The following ATP8A2 variants were observed in gnomAD, a reference collection of about 807,000 sequenced individuals.
ATP8A2 encodes phospholipid-transporting ATPase IB.
A neutral mutation model predicts 165.6 loss-of-function variants in ATP8A2; 100 were observed. The observed-to-expected ratio is 0.60, with a 90% confidence interval of 0.51 to 0.71. The LOEUF (loss-of-function observed/expected upper bound fraction) is 0.71, where lower values mean the gene tolerates loss of function less well. Among genes scored for constraint, ATP8A2 ranks in the 30% least tolerant of loss-of-function variants. The probability of loss-of-function intolerance (pLI) is 0.00; values close to 1 mark genes in which losing one functional copy is unlikely to be tolerated. For missense variants in ATP8A2, 1,227 were observed against 1,479.5 expected, an observed-to-expected ratio of 0.83 and a Z score of 2.80; for synonymous variants, 543 against 548.8, an observed-to-expected ratio of 0.99 and a Z score of 0.15.
chr13:25,954,009 C>T (rs1451025541), intron 33 of ATP8A2, among the ~76,000 whole-genome samples: 2 of 151,996 alleles, frequency 1.3e-5, no homozygotes, highest in East Asian at 1.9e-4. Flanking sequence ...AAGACAGAAC[C>T]GTTCACTTCC....
intron 1 of ATP8A2, among the ~76,000 whole-genome samples, chr13:25,455,743 T>C (rs12877380): frequency 0.04 from 6,081 of 152,282 alleles, 164 homozygotes; most frequent in East Asian, 0.093. Context: ...TGCTGCCTCC[T>C]TGGCATCCCA....
rs927232454 is a variant in ATP8A2, at chr13:25,709,708, T to C, written c.2384+10363T>C. Reference sequence around the variant, plus strand: ...TATAGAAGCAGATTAAGTCTTTTTTTAAGGGAAAAAAGTAAATGTTGAATG... The same window carrying C: ...TATAGAAGCAGATTAAGTCTTTTTTCAAGGGAAAAAAGTAAATGTTGAATG... On this transcript the variant is annotated intron_variant, in intron 25 of 36. Coordinates refer to ENST00000381655, the MANE Select transcript of ATP8A2 (RefSeq NM_016529.6). Among the ~76,000 whole-genome samples, 7 of 152,306 alleles carry C rather than the reference T, an allele frequency of 4.6e-5. No individual in the cohort carries two copies. The South Asian group carries it at 1.5e-3, about 32-fold the overall frequency.
intron 25 of ATP8A2, among the ~76,000 whole-genome samples, chr13:25,766,809 T>G (rs773973687): frequency 6.6e-6 from 1 of 152,214 alleles, no homozygotes; most frequent in Non-Finnish European, 1.5e-5. Flanking sequence ...GTGTCCAGTC[T>G]TGTTTTGTTT....
At chr13:25,593,605 T>A (rs929839017) in intron 24 of ATP8A2, among the ~76,000 whole-genome samples, 7 of 152,206 alleles carry the variant, frequency 4.6e-5, no homozygotes, top group Non-Finnish European at 1.0e-4. Context: ...GCTTTATTGA[T>A]AATACGTAAG....
intron 25 of ATP8A2, among the ~76,000 whole-genome samples, chr13:25,731,363 G>A (rs2043637247): frequency 7.3e-6 from 1 of 136,676 alleles, no homozygotes; most frequent in East Asian, 2.1e-4. Context: ...GAAAGAGAGA[G>A]AGGAAGGAAG....
chr13:25,681,346 G>A (rs2042483970), intron 24 of ATP8A2, among the ~76,000 whole-genome samples: 1 of 152,182 alleles, frequency 6.6e-6, no homozygotes. Flanking sequence ...TAATGCTAAC[G>A]TTTTAGAAGA....
chr13:25,633,702 G>A (rs899148295), intron 24 of ATP8A2, among the ~76,000 whole-genome samples: 6 of 152,154 alleles, frequency 3.9e-5, no homozygotes, highest in Non-Finnish European at 5.9e-5. Flanking sequence ...GAGGCTGGAC[G>A]TGGTCGCTCA....
intron 1 of ATP8A2, among the ~76,000 whole-genome samples, chr13:25,465,719 C>A (rs1342334809): frequency 2.5e-5 from 1 of 40,246 alleles, no homozygotes; most frequent in African/African-American, 9.0e-5. Flanking sequence ...TTCTTTCTTT[C>A]TTTCTTTCTT....
At chr13:25,675,415 A>G (rs1402415591) in intron 24 of ATP8A2, among the ~76,000 whole-genome samples, 1 of 152,232 alleles carries the variant, frequency 6.6e-6, no homozygotes, top group Non-Finnish European at 1.5e-5. Context: ...GGAGTTGTAG[A>G]ACAGGGCAGA....
At position 25,699,357 on chromosome 13, in the gene ATP8A2, CA is replaced by C. The variant is rs748568041; in HGVS notation, c.2384+13del. ...GTCATATGCTGCAGGTAGGAACCTGCAGGCTGTGCACAGTTCACACTCTGCT... is the reference window on the plus strand; with the variant it reads ...GTCATATGCTGCAGGTAGGAACCTGCGGCTGTGCACAGTTCACACTCTGCT... On this transcript the variant is annotated intron_variant, in intron 25 of 36. Transcript: ENST00000381655. 1.2e-6 allele frequency: 2 copies of C among 1,600,988 alleles called. No individual in the cohort carries two copies. The highest frequency in any genetic ancestry group is 1.7e-6 in the Non-Finnish European group (2 of 1,172,686).
At position 25,797,222 on chromosome 13, in the gene ATP8A2, C is replaced by G. The variant is rs971795909; in HGVS notation, c.2679+22263C>G. ...GACAGAGGTTGCAGTGAGCCAAGAT[C>G]GCACCATTGCACTCCAGCCCGGGTG... is the stretch of plus-strand genomic sequence containing the variant. On this transcript the variant is annotated intron_variant, in intron 27 of 36. Coordinates refer to ENST00000381655, the MANE Select transcript of ATP8A2 (RefSeq NM_016529.6). Among the ~76,000 whole-genome samples the G allele has an allele frequency of 4.6e-5, 7 of 152,066 alleles. 1 individual carries two copies. The highest frequency in any genetic ancestry group is 2.9e-5 in the Non-Finnish European group (2 of 68,016).
intron 33 of ATP8A2, among the ~76,000 whole-genome samples, chr13:25,903,984 T>C (rs896894751): frequency 2.0e-5 from 3 of 152,280 alleles, no homozygotes; most frequent in Middle Eastern, 3.4e-3. Context: ...AAAAAAACTG[T>C]TGTACAAACT....
intron 2 of ATP8A2, among the ~76,000 whole-genome samples, chr13:25,481,036 A>G (rs957770440): frequency 2.0e-5 from 3 of 152,284 alleles, no homozygotes; most frequent in Admixed American, 6.5e-5. Context: ...CGCGCCTGCA[A>G]TCACAGGCAC....
At chr13:25,991,491 G>T (rs1956393023) in intron 35 of ATP8A2, among the ~76,000 whole-genome samples, 1 of 152,018 alleles carries the variant, frequency 6.6e-6, no homozygotes, top group African/African-American at 2.4e-5. Flanking sequence ...GCTTTTATAG[G>T]TACCCCTACT....
In ATP8A2 at chr13:25,554,997, G is replaced by T. The variant is rs2038938808; in HGVS notation, c.1192G>T (p.Asp398Tyr). 4 of 1,598,778 alleles carry T rather than the reference G, an allele frequency of 2.5e-6. No individual in the cohort carries two copies. Among genetic ancestry groups the T allele is most frequent in the Non-Finnish European group, 2.6e-6 (3 of 1,166,682 alleles). The stretch of plus-strand genomic sequence containing the variant: ...CTTGTTCTCTCTCTCTCAGGACACA[G>T]ATATGTATTATATAGGAAATGACAC... ...TQALFINWDT[D>Y]MYYIGNDTPA... Residue 398 changes from aspartate (D) to tyrosine (Y), a missense_variant, in exon 13 of 37, where the codon GAT becomes TAT. By Grantham distance (160) the Asp-to-Tyr change is radical. Around this residue, in one of 5 missense-constraint regions of ATP8A2, gnomAD observed 592 missense variants for 785.6 expected, o/e 0.75. Transcript: ENST00000381655.
At chr13:25,761,407 T>C (rs1389499508) in intron 25 of ATP8A2, among the ~76,000 whole-genome samples, 1 of 152,184 alleles carries the variant, frequency 6.6e-6, no homozygotes, top group Non-Finnish European at 1.5e-5. Flanking sequence ...TCATTTGTAG[T>C]GCAAAGATAT....
At chr13:25,435,741 T>A (rs1360459193) in intron 1 of ATP8A2, among the ~76,000 whole-genome samples, 1 of 152,182 alleles carries the variant, frequency 6.6e-6, no homozygotes, top group Non-Finnish European at 1.5e-5. Context: ...TTATATTGAT[T>A]TATGTCCCTG....
Position 26,020,379 on chromosome 13 carries a change from C to T in ATP8A2, c.*394C>T. 1 of 174,334 alleles carries T rather than the reference C, an allele frequency of 5.7e-6. No individual in the cohort carries two copies. The highest frequency in any genetic ancestry group is 1.2e-5 in the Non-Finnish European group (1 of 82,844). 10.8% of individuals were successfully genotyped at this position (174,334 alleles called of 1,614,324 possible). A position where few individuals can be genotyped will look rare whatever the true frequency, so the allele number is the denominator to read the frequency against. ...CCCATCCTGTGTAATTGGAGCAGGG[C>T]ACACTTGCTTCCTGTTGAGTTAACT... On this transcript the variant is annotated 3_prime_UTR_variant, in exon 37 of 37. Transcript: ENST00000381655.
At chr13:25,542,072 C>G (rs772979742) in intron 9 of ATP8A2, 26 bp downstream of exon 9, 1 of 1,603,282 alleles carries the variant, frequency 6.2e-7, no homozygotes, top group Non-Finnish European at 8.5e-7. Flanking sequence ...TCTTCATTGT[C>G]TTTTAAACTA....
Sources: allele counts gnomAD v4.1 joint callset (sites outside exome capture counted in the v4.1 genomes callset), GRCh38; gene constraint gnomAD v4.1.1; regional missense constraint gnomAD v4.1.1; transcripts MANE v1.5; gene names NCBI Gene and HGNC (gene_info 2026-07-23, HGNC 2026-07-21).